The following SLC26A9 variants were observed in gnomAD, a reference collection of about 807,000 sequenced individuals.
SLC26A9 encodes anion transporter/exchanger protein 9.
SLC26A9 carries 46 observed loss-of-function variants against 87.1 expected under a neutral mutation model. The ratio of observed to expected loss-of-function variants is 0.53; its 90% CI spans 0.42 to 0.67. SLC26A9 has a LOEUF of 0.67. Ranked by LOEUF, SLC26A9 falls within the 30% of genes least tolerant of loss-of-function variation. The pLI is 0.00. For missense variants in SLC26A9, 927 were observed against 1,018.3 expected, an observed-to-expected ratio of 0.91 and a Z score of 1.22; for synonymous variants, 437 against 409.1, an observed-to-expected ratio of 1.07 and a Z score of -0.82.
chr1:205,927,668 G>C, intron 9 of SLC26A9, 63 bp from the exon 10 acceptor site: 1 of 1,500,590 alleles, frequency 6.7e-7, no homozygotes, highest in Non-Finnish European at 9.1e-7. Flanking sequence ...ACCAAGTGCA[G>C]TCAGGCATGC....
intron 7 of SLC26A9, 108 bp from the exon 8 acceptor site, chr1:205,929,017 C>A: frequency 1.4e-6 from 2 of 1,474,896 alleles, no homozygotes; most frequent in Non-Finnish European, 9.4e-7. Flanking sequence ...CACTCCCCTG[C>A]CTCCTTAGGG....
In SLC26A9 at chr1:205,915,247, T is replaced by TG. The variant is rs1372310171; in HGVS notation, c.*109dup. The TG allele has an allele frequency of 5.6e-6, 9 of 1,599,944 alleles. No individual in the cohort carries two copies. In the Middle Eastern group the frequency reaches 1.0e-3, roughly 178 times the overall value. ...GGAGAGGAGAGAGGAACCCAAGCTC[T>TG]GGGGGATGCACTTTCCTCCGCCCGA... On this transcript the variant is annotated 3_prime_UTR_variant, in exon 21 of 21. Transcript: ENST00000367135.
chr1:205,931,872 G>A lies in SLC26A9; in HGVS notation c.540C>T (p.Thr180=), dbSNP rs33943971. The A allele has an allele frequency of 0.074, 118,810 of 1,612,964 alleles. 5,000 individuals are homozygous for A. Among genetic ancestry groups the A allele is most frequent in the African/African-American group, 0.16 (12,371 of 74,998 alleles). Residue 180 remains threonine (T), a synonymous_variant, in exon 5 of 21, where the codon ACC becomes ACT. Coordinates refer to ENST00000367135, the MANE Select transcript of SLC26A9 (RefSeq NM_052934.4). ...GCTGCCCCCTCACCTGGATGATGGC[G>A]GTGAGGCAGGCTAGCGTAGCTGACA... ...LHVSATLACL[T]AIIQMGLGFM...
At position 205,927,528 on chromosome 1, in the gene SLC26A9, G is replaced by T. The variant is rs1659125296; in HGVS notation, c.1179C>A (p.Val393=). The T allele has an allele frequency of 6.2e-7, 1 of 1,614,044 alleles. No individual in the cohort carries two copies. Among genetic ancestry groups the T allele is most frequent in the African/African-American group, 1.3e-5 (1 of 74,914 alleles). The change falls in exon 10 of 21, where the codon GTC becomes GTA. Residue 393 remains valine, a synonymous_variant. Coordinates refer to ENST00000367135, the MANE Select transcript of SLC26A9 (RefSeq NM_052934.4). ...CTCCAGCTCCATCCACAGCCAGAGT[G>T]ACAGAAAGCGCACAGCAAATGACAT... The part of the protein sequence containing the change: ...KIHVICCALS[V]TLAVDGAGGK...
chr1:205,925,352 A>G (rs1659022828), intron 12 of SLC26A9, among the ~76,000 whole-genome samples: 2 of 152,114 alleles, frequency 1.3e-5, no homozygotes, highest in African/African-American at 4.8e-5. Flanking sequence ...AAGTTTTGAT[A>G]GTTGCCCCCT....
chr1:205,921,975 G>T, intron 16 of SLC26A9, 128 bp from the exon 17 acceptor site: 1 of 1,236,416 alleles, frequency 8.1e-7, no homozygotes, highest in Non-Finnish European at 1.1e-6. Flanking sequence ...GGTGAACACA[G>T]ACCCTGAAAG....
chr1:205,914,778 A>G lies in SLC26A9; in HGVS notation c.*579T>C. Reference sequence around the variant, plus strand: ...GATGATGGAGGGGGGGCGCATAGTTACCAAGGCCTAGACTCCTGGGTGTGG... The same window carrying G: ...GATGATGGAGGGGGGGCGCATAGTTGCCAAGGCCTAGACTCCTGGGTGTGG... On this transcript the variant is annotated 3_prime_UTR_variant, in exon 21 of 21. Coordinates refer to ENST00000367135, the MANE Select transcript of SLC26A9 (RefSeq NM_052934.4). 7.4e-7 allele frequency: 1 copy of G among 1,358,696 alleles called. No individual in the cohort carries two copies. Among genetic ancestry groups the G allele is most frequent in the South Asian group, 1.4e-5 (1 of 70,968 alleles). 84.2% of individuals were successfully genotyped at this position (1,358,696 alleles called of 1,614,324 possible).
In SLC26A9 at chr1:205,930,150, G is replaced by C. The variant is rs1659248909; in HGVS notation, c.553-94C>G. 1.7e-5 allele frequency: 23 copies of C among 1,375,152 alleles called. No individual in the cohort carries two copies. In the South Asian group the frequency reaches 3.1e-4, roughly 19 times the overall value. The allele number at this position is 1,375,152 out of a possible 1,614,324, so 85.2% of individuals were successfully genotyped here. A position where few individuals can be genotyped will look rare whatever the true frequency, so the allele number is the denominator to read the frequency against. On this transcript the variant is annotated intron_variant, in intron 5 of 20. Transcript: ENST00000367135. The stretch of plus-strand genomic sequence containing the variant: ...CACACACACGCAGGTCTGGAGCTCC[G>C]TGCAGTCCTAGCGTAGCAGTAGCTT...
In SLC26A9 at chr1:205,932,823, C is replaced by G; in HGVS notation, c.266-11G>C. On this transcript the variant is annotated splice_polypyrimidine_tract_variant and intron_variant, in intron 3 of 20. Transcript: ENST00000367135. ...GAGCAAATGCCATGCCTGCAGAGGA[C>G]AACGAGACTGAAGCTCAGCAGCATG... 6.3e-7 allele frequency: 1 copy of G among 1,590,906 alleles called. No individual in the cohort carries two copies. The highest frequency in any genetic ancestry group is 1.2e-5 in the South Asian group (1 of 86,418).
chr1:205,928,269 G>T (rs1659164754), intron 8 of SLC26A9: 1 of 603,690 alleles, frequency 1.7e-6, no homozygotes, highest in African/African-American at 1.8e-5. Context: ...AACCTAACTT[G>T]CCCAAGGTCC....
chr1:205,921,657 C>T lies in SLC26A9; in HGVS notation c.1964G>A (p.Ser655Asn). ...APGEPSDMLA[S>N]VPPFVTFHTL... ...GTGGAAGGTGACGAAGGGTGGGACGCTGGCCAGCATGTCACTGGGCTCGCC... is the reference window on the plus strand; with the variant it reads ...GTGGAAGGTGACGAAGGGTGGGACGTTGGCCAGCATGTCACTGGGCTCGCC... The change falls in exon 17 of 21, where the codon AGC becomes AAC. Residue 655 changes from serine to asparagine, a missense_variant. Ser to Asn is a conservative substitution (Grantham distance 46). Transcript: ENST00000367135. The T allele has an allele frequency of 6.2e-7, 1 of 1,605,854 alleles. No individual in the cohort carries two copies. Among genetic ancestry groups the T allele is most frequent in the Non-Finnish European group, 8.5e-7 (1 of 1,176,210 alleles).
At chr1:205,915,719 A>C (rs1440755824) in intron 20 of SLC26A9, among the ~76,000 whole-genome samples, 2 of 152,080 alleles carry the variant, frequency 1.3e-5, no homozygotes, top group Non-Finnish European at 2.9e-5. Context: ...GGGTAAAATG[A>C]GGGTTGGCAG....
In SLC26A9 at chr1:205,915,342, G is replaced by A. The variant is rs370215212; in HGVS notation, c.*15C>T. ...GCCAGGCACTCTGTAGGCAGCATGA[G>A]GACTGGCTGAGCCCTCACAGGGCGG... On this transcript the variant is annotated 3_prime_UTR_variant, in exon 21 of 21. Coordinates refer to ENST00000367135, the MANE Select transcript of SLC26A9 (RefSeq NM_052934.4). The A allele has an allele frequency of 1.2e-5, 20 of 1,614,020 alleles. No individual in the cohort carries two copies. In the African/African-American group the frequency reaches 1.9e-4, roughly 15 times the overall value.
rs146704092 is a variant in SLC26A9 at position 205,931,898 on chromosome 1, C to A, written c.514G>T (p.Val172Leu). The A allele has an allele frequency of 6.2e-7, 1 of 1,614,080 alleles. No individual in the cohort carries two copies. The highest frequency in any genetic ancestry group is 2.2e-5 in the East Asian group (1 of 44,880). Residue 172 changes from valine (V) to leucine (L), a missense_variant, in exon 5 of 21, where the codon GTG (valine) becomes TTG (leucine). By Grantham distance (32) the Val-to-Leu change is conservative. Coordinates refer to ENST00000367135, the MANE Select transcript of SLC26A9 (RefSeq NM_052934.4). ...GTGAGGCAGGCTAGCGTAGCTGACA[C>A]GTGCAGCCTCTCAGCCTCCATGGCT... Reference protein sequence around the residue: ...TAAMEAERLHVSATLACLTAI... With the variant: ...TAAMEAERLHLSATLACLTAI...
At chr1:205,928,239 G>T in intron 8 of SLC26A9, 190 bp from the exon 9 acceptor site, 1 of 690,558 alleles carries the variant, frequency 1.4e-6, no homozygotes, top group Non-Finnish European at 2.3e-6. Context: ...TTTTACAAAG[G>T]AGGAAACTGA....
intron 5 of SLC26A9, among the ~76,000 whole-genome samples, chr1:205,931,476 T>C (rs1182370130): frequency 7.1e-6 from 1 of 140,716 alleles, no homozygotes; most frequent in African/African-American, 2.7e-5. Context: ...TTTTTTTTTT[T>C]TTTTTTTTGA....
chr1:205,940,071 A>G (rs1659674867), intron 1 of SLC26A9, among the ~76,000 whole-genome samples: 1 of 151,892 alleles, frequency 6.6e-6, no homozygotes, highest in African/African-American at 2.4e-5. Flanking sequence ...AGGGACTTAG[A>G]GGGGGTCTGT....
chr1:205,926,609 C>A lies in SLC26A9; in HGVS notation c.1315G>T (p.Ala439Ser), dbSNP rs574530028. 1.2e-6 allele frequency: 2 copies of A among 1,614,006 alleles called. No individual in the cohort carries two copies. Among genetic ancestry groups the A allele is most frequent in the Admixed American group, 3.3e-5 (2 of 60,020 alleles). Reference sequence around the variant, plus strand: ...TTGAGGGAGTTCTTGAGATTGACAGCGATCAGGGCTCCTAGCACAGACTAG... The same window carrying A: ...TTGAGGGAGTTCTTGAGATTGACAGAGATCAGGGCTCCTAGCACAGACTAG... ...LPKSVLGALI[A>S]VNLKNSLKQL... Residue 439 changes from alanine to serine, a missense_variant, in exon 12 of 21, where the codon GCT (alanine) becomes TCT (serine). By Grantham distance (99) the Ala-to-Ser change is moderately conservative. Transcript: ENST00000367135.
intron 8 of SLC26A9, 57 bp downstream of exon 8, chr1:205,928,770 G>GA: frequency 6.5e-7 from 1 of 1,527,732 alleles, no homozygotes; most frequent in Admixed American, 1.7e-5. Context: ...TCCGAGCTCA[G>GA]GCCTTAGTGG....
Sources: gnomAD v4.1 joint callset for allele counts (sites outside exome capture counted in the v4.1 genomes callset) on GRCh38, gnomAD v4.1.1 for gene constraint, MANE v1.5 for transcripts, NCBI Gene and HGNC (gene_info 2026-07-23, HGNC 2026-07-21) for gene names.